The following TNS1 variants were observed in gnomAD, a reference collection of about 807,000 sequenced individuals.
TNS1 encodes tensin 1, also known as tensin-1.
Under a neutral mutation model 168.6 loss-of-function variants are expected in TNS1, and 62 were observed. The observed-to-expected ratio is 0.37, with a 90% confidence interval of 0.30 to 0.45. The LOEUF is 0.45. TNS1 is among the 20% of genes least tolerant of loss of function. The pLI is 1.00. For synonymous variants in TNS1, 934 were observed against 933.2 expected, an observed-to-expected ratio of 1.00 and a Z score of -0.02; for missense variants, 2,240 against 2,339.4, an observed-to-expected ratio of 0.96 and a Z score of 0.88.
At chr2:217,933,563 G>T (rs1956438871) in intron 3 of TNS1, among the ~76,000 whole-genome samples, 1 of 152,174 alleles carries the variant, frequency 6.6e-6, no homozygotes, top group Non-Finnish European at 1.5e-5. Flanking sequence ...ATTCCAGGAA[G>T]CCAGAAGGGG....
At chr2:217,993,437 G>C (rs969064909) in intron 1 of TNS1, among the ~76,000 whole-genome samples, 1 of 152,178 alleles carries the variant, frequency 6.6e-6, no homozygotes, top group African/African-American at 2.4e-5. Context: ...AGCCAAGCTG[G>C]GAGCAGGGGT....
Position 217,847,564 on chromosome 2 carries a change from T to G in TNS1, c.2953A>C (p.Thr985Pro). 6.7e-7 allele frequency: 1 copy of G among 1,493,196 alleles called. No homozygotes were observed. Among genetic ancestry groups the G allele is most frequent in the Non-Finnish European group, 9.0e-7 (1 of 1,114,742 alleles). 92.5% of individuals were successfully genotyped at this position (1,493,196 alleles called of 1,614,324 possible). The change falls in exon 19 of 33, where the codon ACT becomes CCT. Residue 985 changes from threonine to proline, a missense_variant. Thr to Pro is a conservative substitution (Grantham distance 38). Transcript: ENST00000682258. ...PKEATSDPSR[T>P]PEEEPLNLEG... ...AAATTCAATGGCTCCTCCTCTGGAG[T>G]CCGGGAGGGGTCTGAAGTCGCTTCC...
intron 22 of TNS1, chr2:217,830,424 C>G (rs1304249888): frequency 6.2e-7 from 1 of 1,611,040 alleles, no homozygotes; most frequent in Non-Finnish European, 8.5e-7. Flanking sequence ...CCCAATAGCC[C>G]CCACCCAGCC....
chr2:217,892,873 A>G (rs758046837), intron 11 of TNS1, 75 bp downstream of exon 11: 122 of 1,500,666 alleles, frequency 8.1e-5, no homozygotes, highest in Admixed American at 1.2e-4. Context: ...GGGAGCAGAG[A>G]GGCTGTGGGT....
chr2:217,962,718 C>CT (rs1463799747), intron 3 of TNS1, among the ~76,000 whole-genome samples: 1 of 152,180 alleles, frequency 6.6e-6, no homozygotes, highest in Non-Finnish European at 1.5e-5. Flanking sequence ...GAGGGACATT[C>CT]TTCAAAATAA....
intron 19 of TNS1, among the ~76,000 whole-genome samples, chr2:217,845,685 A>G (rs1391265498): frequency 6.6e-6 from 1 of 152,196 alleles, no homozygotes; most frequent in Non-Finnish European, 1.5e-5. Context: ...CTGAGAGGCT[A>G]CAGAATATGG....
chr2:217,897,896 C>T lies in TNS1; in HGVS notation c.445G>A (p.Ala149Thr), dbSNP rs754895922. ...DLVYVTERII[A>T]VSFPSTANEE... ...TTGGCTGTGCTGGGGAAGGAGACAGCGATGATCCTCTCTGTGACGTACACC... is the reference window on the plus strand; with the variant it reads ...TTGGCTGTGCTGGGGAAGGAGACAGTGATGATCCTCTCTGTGACGTACACC... The change falls in exon 8 of 33, where the codon GCT becomes ACT. Residue 149 changes from alanine to threonine, a missense_variant. Ala to Thr is a moderately conservative substitution (Grantham distance 58). Coordinates refer to ENST00000682258, the MANE Select transcript of TNS1 (RefSeq NM_001387777.1). The T allele has an allele frequency of 5.6e-6, 9 of 1,613,396 alleles. No individual in the cohort carries two copies. Among genetic ancestry groups the T allele is most frequent in the African/African-American group, 1.3e-5 (1 of 74,888 alleles).
chr2:217,894,861 A>C, intron 9 of TNS1, 145 bp downstream of exon 9: 1 of 793,638 alleles, frequency 1.3e-6, no homozygotes, highest in Middle Eastern at 2.3e-4. Context: ...AATGATAAGT[A>C]GATCATTTTC....
At chr2:218,020,443 C>T (rs920918127) in intron 1 of TNS1, among the ~76,000 whole-genome samples, 2 of 151,808 alleles carry the variant, frequency 1.3e-5, no homozygotes, top group Non-Finnish European at 2.9e-5. Flanking sequence ...ATTCTGGGAG[C>T]CGGGGAGTGA....
chr2:217,864,842 G>A (rs1482708220), intron 18 of TNS1, among the ~76,000 whole-genome samples: 2 of 152,202 alleles, frequency 1.3e-5, no homozygotes, highest in Non-Finnish European at 2.9e-5. Context: ...CCACATATAA[G>A]TTGGGTTATC....
At position 217,850,034 on chromosome 2, in the gene TNS1, C is replaced by T. The variant is rs1173718429; in HGVS notation, c.1430-947G>A. 3.0e-6 allele frequency: 3 copies of T among 985,332 alleles called. No individual in the cohort carries two copies. The Admixed American group carries it at 1.8e-4, about 61-fold the overall frequency. 61.0% of individuals were successfully genotyped at this position (985,332 alleles called of 1,614,324 possible). On this transcript the variant is annotated intron_variant, in intron 18 of 32. Coordinates refer to ENST00000682258, the MANE Select transcript of TNS1 (RefSeq NM_001387777.1). ...CATTTCCAGAGGCTCCTCCCAGCTC[C>T]TCCCCAGCACTGCCCACTCCTGATG...
At chr2:217,884,535 C>A (rs1007022752) in intron 16 of TNS1, among the ~76,000 whole-genome samples, 1 of 152,162 alleles carries the variant, frequency 6.6e-6, no homozygotes, top group Non-Finnish European at 1.5e-5. Flanking sequence ...CTGCCACACC[C>A]CTCCACTACT....
chr2:217,939,932 C>G (rs1186217396), intron 3 of TNS1, among the ~76,000 whole-genome samples: 3 of 152,214 alleles, frequency 2.0e-5, no homozygotes, highest in Non-Finnish European at 2.9e-5. Flanking sequence ...CACTGGGGCT[C>G]TCTAGCGTCC....
chr2:217,882,900 G>T (rs1359378180), intron 16 of TNS1, among the ~76,000 whole-genome samples: 1 of 152,026 alleles, frequency 6.6e-6, no homozygotes, highest in African/African-American at 2.4e-5. Context: ...AGCCAAAGTG[G>T]TCCTCCTACC....
chr2:217,818,758 T>G lies in TNS1; in HGVS notation c.3574A>C (p.Thr1192Pro). The change falls in exon 24 of 33, where the codon ACT (threonine) becomes CCT (proline). Residue 1192 changes from threonine to proline, a missense_variant and splice_region_variant. This residue lies in a region of TNS1 where 2,131 missense variants were observed against 2,171.2 expected (regional missense o/e 0.98). Transcript: ENST00000682258. ...CCCGACGGGAAACTCCCCACTGAAG[T>G]GCTGCAGAGAGATGGCAGGTTGCGA... ...TSSPILSADS[T>P]SVGSFPSGES... 1 of 1,604,746 alleles carries G rather than the reference T, an allele frequency of 6.2e-7. No individual in the cohort carries two copies. The highest frequency in any genetic ancestry group is 8.5e-7 in the Non-Finnish European group (1 of 1,174,646).
chr2:217,905,055 G>A (rs1953490287), intron 6 of TNS1, among the ~76,000 whole-genome samples: 1 of 152,198 alleles, frequency 6.6e-6, no homozygotes, highest in African/African-American at 2.4e-5. Flanking sequence ...GGGGTGTCAG[G>A]AGGATCGCAA....
Position 217,917,829 on chromosome 2 carries a change from C to CAAAAAAAAAAAAAAAAAAA in TNS1, c.228+2347_228+2365dup, listed in dbSNP as rs79888115. On this transcript the variant is annotated intron_variant, in intron 4 of 32. Coordinates refer to ENST00000682258, the MANE Select transcript of TNS1 (RefSeq NM_001387777.1). ...CTGGGCAACACAGTGAGACTGTTCT[C>CAAAAAAAAAAAAAAAAAAA]AAAAAAAAAAAAAAAAAAAGACTTG... Among the ~76,000 whole-genome samples the CAAAAAAAAAAAAAAAAAAA allele has an allele frequency of 3.6e-4, 27 of 75,988 alleles. 1 individual carries two copies. Among genetic ancestry groups the CAAAAAAAAAAAAAAAAAAA allele is most frequent in the African/African-American group, 1.2e-3 (26 of 22,268 alleles). The allele number at this position is 75,988 out of a possible 152,430, so 49.9% of individuals were successfully genotyped here. A position where few individuals can be genotyped will look rare whatever the true frequency, so the allele number is the denominator to read the frequency against.
chr2:217,820,737 C>T (rs1274705597), intron 23 of TNS1, among the ~76,000 whole-genome samples: 1 of 152,152 alleles, frequency 6.6e-6, no homozygotes, highest in Non-Finnish European at 1.5e-5. Context: ...ATGCCGTCAT[C>T]CCATCTCTTT....
rs1941270733 is a variant in TNS1 at position 217,813,132 on chromosome 2, T to C, written c.4954+83A>G. ...ACTGGCAGAGCCTGTCAGAAAGAAC[T>C]TGGGGTCAGACCCCTGGAGGAACCC... is the stretch of plus-strand genomic sequence containing the variant. On this transcript the variant is annotated intron_variant, in intron 27 of 32. Transcript: ENST00000682258. The surrounding 1 kb of genome is among the most constrained non-coding windows in gnomAD (Gnocchi z 4.0). 4.1e-6 allele frequency: 4 copies of C among 966,760 alleles called. No homozygotes were observed. In the South Asian group the frequency reaches 4.2e-5, roughly 10 times the overall value. The allele number at this position is 966,760 out of a possible 1,614,324, so 59.9% of individuals were successfully genotyped here.
Sources: allele counts gnomAD v4.1 joint callset (sites outside exome capture counted in the v4.1 genomes callset), GRCh38; gene constraint gnomAD v4.1.1; regional missense constraint gnomAD v4.1.1; non-coding constraint Gnocchi (gnomAD v3.1); transcripts MANE v1.5; gene names NCBI Gene and HGNC (gene_info 2026-07-23, HGNC 2026-07-21).